Variants in CATSPER3 observed in about 807,000 individuals in gnomAD.
CATSPER3 encodes the protein cation channel sperm-associated protein 3.
A neutral mutation model predicts 36.6 loss-of-function variants in CATSPER3; 23 were observed. That is an observed-to-expected ratio of 0.63 (90% CI 0.45 to 0.89). The LOEUF is 0.89. Among genes scored for constraint, CATSPER3 ranks in the 40% least tolerant of loss-of-function variants. The pLI is 0.00. For missense variants in CATSPER3, 474 were observed against 503.9 expected, an observed-to-expected ratio of 0.94 and a Z score of 0.57; for synonymous variants, 172 against 184.1, an observed-to-expected ratio of 0.93 and a Z score of 0.53.
At chr5:134,998,581 G>A (rs1368325051) in intron 3 of CATSPER3, among the ~76,000 whole-genome samples, 4 of 152,192 alleles carry the variant, frequency 2.6e-5, no homozygotes, top group African/African-American at 7.2e-5. Context: ...TCCAGCACCT[G>A]TTGTTTCCTG....
At chr5:134,980,839 A>G (rs1026437015) in intron 2 of CATSPER3, among the ~76,000 whole-genome samples, 3 of 152,038 alleles carry the variant, frequency 2.0e-5, no homozygotes, top group African/African-American at 7.2e-5. Flanking sequence ...AGATCCCCAC[A>G]TATCAGCCTC....
intron 3 of CATSPER3, among the ~76,000 whole-genome samples, chr5:135,004,312 C>T (rs1752057601): frequency 6.6e-6 from 1 of 152,212 alleles, no homozygotes; most frequent in Non-Finnish European, 1.5e-5. Context: ...AACAGAAATG[C>T]CCGTGTGGGG....
chr5:134,994,525 C>T (rs1242883985), intron 2 of CATSPER3, among the ~76,000 whole-genome samples: 1 of 152,188 alleles, frequency 6.6e-6, no homozygotes, highest in Non-Finnish European at 1.5e-5. Context: ...TGTTCATATC[C>T]TACAACGCAG....
chr5:134,981,090 C>T (rs971600355), intron 2 of CATSPER3, among the ~76,000 whole-genome samples: 1 of 150,934 alleles, frequency 6.6e-6, no homozygotes, highest in African/African-American at 2.4e-5. Context: ...CTCTTTCCTC[C>T]CTTCCTTCTT....
intron 2 of CATSPER3, chr5:134,995,877 C>G: frequency 3.3e-6 from 1 of 299,818 alleles, no homozygotes; most frequent in South Asian, 3.6e-5. Context: ...ATAGATTAAA[C>G]ATAAGTAGAT....
At chr5:134,975,938 T>C (rs964630582) in intron 2 of CATSPER3, among the ~76,000 whole-genome samples, 2 of 152,200 alleles carry the variant, frequency 1.3e-5, no homozygotes, top group African/African-American at 4.8e-5. Context: ...ATACTATTCA[T>C]ATGTAACAAA....
At chr5:134,978,168 G>C (rs1751701313) in intron 2 of CATSPER3, among the ~76,000 whole-genome samples, 1 of 152,212 alleles carries the variant, frequency 6.6e-6, no homozygotes, top group African/African-American at 2.4e-5. Flanking sequence ...AGGGGGGAAG[G>C]AGAGGAGCAG....
chr5:134,979,148 G>T (rs1324461283), intron 2 of CATSPER3, among the ~76,000 whole-genome samples: 2 of 151,516 alleles, frequency 1.3e-5, no homozygotes, highest in African/African-American at 2.4e-5. Context: ...TTATTTGTTT[G>T]TTTGTTGAGA....
intron 2 of CATSPER3, among the ~76,000 whole-genome samples, chr5:134,977,357 G>A (rs536202386): frequency 1.9e-4 from 29 of 152,180 alleles, no homozygotes; most frequent in African/African-American, 5.8e-4. Context: ...AATTTCTTCC[G>A]CTAGATTCCC....
Position 135,003,194 on chromosome 5 carries a change from C to T in CATSPER3, c.493-4763C>T, listed in dbSNP as rs544994044. 2.0e-5 allele frequency among the ~76,000 whole-genome samples: 3 copies of T among 152,308 alleles called. No individual in the cohort carries two copies. The East Asian group carries it at 5.8e-4, about 29-fold the overall frequency. On this transcript the variant is annotated intron_variant, in intron 3 of 7. Transcript: ENST00000282611. ...ACAGTCAGGACCCTCAGCTGCAGAT[C>T]TGTTGGAGTTTGCTGGAGGTCCACT...
At chr5:135,009,549 A>C in intron 6 of CATSPER3, 59 bp downstream of exon 6, 1 of 411,126 alleles carries the variant, frequency 2.4e-6, no homozygotes, top group Non-Finnish European at 3.3e-6. Context: ...GGCTGATGAG[A>C]TGGCCAGGAG....
intron 2 of CATSPER3, among the ~76,000 whole-genome samples, chr5:134,979,610 C>CA (rs1207972982): frequency 2.0e-5 from 3 of 151,836 alleles, no homozygotes; most frequent in African/African-American, 4.8e-5. Context: ...CTGCCTGGGG[C>CA]AAAAAAAGTT....
intron 3 of CATSPER3, among the ~76,000 whole-genome samples, chr5:135,006,758 A>AC (rs1462044987): frequency 4.6e-5 from 7 of 151,114 alleles, no homozygotes; most frequent in African/African-American, 1.5e-4. Context: ...GAATGGCATG[A>AC]ACCCGGGAGG....
chr5:134,969,835 C>A, intron 1 of CATSPER3, 104 bp from the exon 2 acceptor site: 2 of 1,168,154 alleles, frequency 1.7e-6, no homozygotes, highest in Non-Finnish European at 2.6e-6. Flanking sequence ...TTTATATTCA[C>A]ACAAGGGAGA....
At chr5:135,011,271 C>A (rs1752176620) in intron 7 of CATSPER3, among the ~76,000 whole-genome samples, 1 of 152,214 alleles carries the variant, frequency 6.6e-6, no homozygotes, top group African/African-American at 2.4e-5. Flanking sequence ...CTGGGCACCT[C>A]CACACAGTTA....
chr5:134,995,529 G>A (rs189208254), intron 2 of CATSPER3: 1 of 154,232 alleles, frequency 6.5e-6, no homozygotes, highest in Admixed American at 6.3e-5. Flanking sequence ...ATTTGTTCCA[G>A]CATTTATTTC....
chr5:134,997,821 GC>G (rs1442219718), intron 3 of CATSPER3, among the ~76,000 whole-genome samples: 2 of 151,914 alleles, frequency 1.3e-5, no homozygotes, highest in Non-Finnish European at 2.9e-5. Context: ...CATCTCACAG[GC>G]TTCTCAAATT....
chr5:135,002,852 G>T (rs1443429907), intron 3 of CATSPER3, among the ~76,000 whole-genome samples: 1 of 152,146 alleles, frequency 6.6e-6, no homozygotes, highest in Non-Finnish European at 1.5e-5. Context: ...TTAGCCATTT[G>T]TCTAATCTTT....
chr5:134,976,143 A>G (rs906695392), intron 2 of CATSPER3, among the ~76,000 whole-genome samples: 1 of 152,326 alleles, frequency 6.6e-6, no homozygotes, highest in East Asian at 1.9e-4. Context: ...GGTAATTTAT[A>G]AATAAAAGAG....
Sources: gnomAD v4.1 joint callset for allele counts (sites outside exome capture counted in the v4.1 genomes callset) on GRCh38, gnomAD v4.1.1 for gene constraint, MANE v1.5 for transcripts, NCBI Gene and HGNC (gene_info 2026-07-23, HGNC 2026-07-21) for gene names.